Variants in MPPED2 observed in about 807,000 individuals in gnomAD.
MPPED2 encodes metallophosphoesterase MPPED2.
Under a neutral mutation model 33.0 loss-of-function variants are expected in MPPED2, and 5 were observed. The observed-to-expected ratio is 0.15, with a 90% CI of 0.08 to 0.32. The LOEUF is 0.32. Among genes scored for constraint, MPPED2 ranks in the 10% least tolerant of loss-of-function variants. The pLI is 1.00. For missense variants in MPPED2, 275 were observed against 372.1 expected (o/e 0.74, Z 2.15); for synonymous variants, 136 against 141.9 (o/e 0.96, Z 0.29).
At chr11:30,495,643 T>G in intron 3 of MPPED2, 122 bp from the exon 4 acceptor site, 1 of 676,304 alleles carries the variant, frequency 1.5e-6, no homozygotes, top group Non-Finnish European at 2.5e-6. Flanking sequence ...TTCCTTTACA[T>G]TTCCATGTGA....
chr11:30,539,193 A>G (rs1398175422), intron 2 of MPPED2, among the ~76,000 whole-genome samples: 1 of 151,968 alleles, frequency 6.6e-6, no homozygotes, highest in Non-Finnish European at 1.5e-5. Context: ...TCTAAGGGAG[A>G]CTCCAACTGC....
chr11:30,401,096 C>A (rs947417992), intron 6 of MPPED2, among the ~76,000 whole-genome samples: 3 of 152,152 alleles, frequency 2.0e-5, no homozygotes, highest in Non-Finnish European at 4.4e-5. Flanking sequence ...TTTACTGATA[C>A]CTTTTTCCTG....
intron 4 of MPPED2, among the ~76,000 whole-genome samples, chr11:30,477,755 T>G (rs1365890021): frequency 1.3e-5 from 2 of 152,118 alleles, no homozygotes; most frequent in East Asian, 3.8e-4. Flanking sequence ...TCTTCAAATT[T>G]CGGAAAGATT....
At chr11:30,556,317 T>G (rs1955960251) in intron 2 of MPPED2, among the ~76,000 whole-genome samples, 5 of 152,150 alleles carry the variant, frequency 3.3e-5, no homozygotes, top group Admixed American at 3.3e-4. Context: ...TCCATGCCAT[T>G]CCCCAACCTC....
At chr11:30,404,586 C>G (rs1342447827) in intron 6 of MPPED2, among the ~76,000 whole-genome samples, 1 of 152,180 alleles carries the variant, frequency 6.6e-6, no homozygotes, top group Non-Finnish European at 1.5e-5. Flanking sequence ...TATGCCACAC[C>G]TCGCACGTCC....
chr11:30,522,866 C>T (rs946470247), intron 3 of MPPED2, among the ~76,000 whole-genome samples: 20 of 152,192 alleles, frequency 1.3e-4, no homozygotes, highest in African/African-American at 4.8e-4. Context: ...CCTCCCCCTG[C>T]ACATAACGCC....
At chr11:30,526,889 A>AT (rs887352857) in intron 3 of MPPED2, among the ~76,000 whole-genome samples, 24 of 150,388 alleles carry the variant, frequency 1.6e-4, no homozygotes, top group Non-Finnish European at 2.8e-4. Flanking sequence ...TCTATTTTCT[A>AT]TTTTTTTTTA....
chr11:30,510,783 A>G (rs1953128535), intron 3 of MPPED2, among the ~76,000 whole-genome samples: 1 of 152,164 alleles, frequency 6.6e-6, no homozygotes, highest in Non-Finnish European at 1.5e-5. Flanking sequence ...CACTGGTTTA[A>G]AAAGAAGGTA....
intron 3 of MPPED2, among the ~76,000 whole-genome samples, chr11:30,497,919 C>G (rs1239192594): frequency 6.6e-6 from 1 of 152,128 alleles, no homozygotes; most frequent in African/African-American, 2.4e-5. Flanking sequence ...AACTTCTATC[C>G]TCTGTTACCG....
intron 2 of MPPED2, among the ~76,000 whole-genome samples, chr11:30,539,920 C>T (rs538498863): frequency 5.3e-5 from 8 of 152,292 alleles, no homozygotes; most frequent in East Asian, 1.9e-4. Context: ...GAGCCACCCC[C>T]ACCTGGCTTC....
chr11:30,565,585 A>T (rs184365501), intron 2 of MPPED2, among the ~76,000 whole-genome samples: 1 of 152,266 alleles, frequency 6.6e-6, no homozygotes, highest in Non-Finnish European at 1.5e-5. Context: ...TCATCTCCAG[A>T]AAGTCTAATT....
At chr11:30,432,163 T>C (rs1165147526) in intron 4 of MPPED2, among the ~76,000 whole-genome samples, 2 of 113,138 alleles carry the variant, frequency 1.8e-5, no homozygotes, top group African/African-American at 4.1e-5. Context: ...AGCAGGATTC[T>C]GTCTCAAAAA....
chr11:30,530,084 G>T (rs1361714997), intron 3 of MPPED2, among the ~76,000 whole-genome samples: 1 of 152,118 alleles, frequency 6.6e-6, no homozygotes, highest in Non-Finnish European at 1.5e-5. Flanking sequence ...TTGACTGAAA[G>T]AATAGACCAC....
intron 6 of MPPED2, among the ~76,000 whole-genome samples, chr11:30,404,937 A>G (rs1316124832): frequency 1.3e-5 from 2 of 152,182 alleles, no homozygotes; most frequent in Non-Finnish European, 2.9e-5. Flanking sequence ...GATGCTGGGA[A>G]TGCAGATAGA....
chr11:30,541,275 C>CA (rs1955095331), intron 2 of MPPED2, among the ~76,000 whole-genome samples: 1 of 152,048 alleles, frequency 6.6e-6, no homozygotes, highest in African/African-American at 2.4e-5. Flanking sequence ...TTTTTTTACT[C>CA]ACAAAAAATA....
chr11:30,528,004 A>G (rs1046656002), intron 3 of MPPED2, among the ~76,000 whole-genome samples: 1 of 152,250 alleles, frequency 6.6e-6, no homozygotes, highest in Non-Finnish European at 1.5e-5. Flanking sequence ...CTAAGCATTA[A>G]TAAGTCTCCT....
At chr11:30,578,295 GT>G (rs1957017625) in intron 2 of MPPED2, among the ~76,000 whole-genome samples, 1 of 152,148 alleles carries the variant, frequency 6.6e-6, no homozygotes, top group African/African-American at 2.4e-5. Context: ...GAAGCAGAGG[GT>G]TCAGATGGGA....
chr11:30,398,146 T>C (rs958166840), intron 6 of MPPED2, among the ~76,000 whole-genome samples: 2 of 152,164 alleles, frequency 1.3e-5, no homozygotes, highest in Non-Finnish European at 2.9e-5. Context: ...TTTTTCTTCT[T>C]CCATAGCAGA....
chr11:30,549,398 C>T (rs945040982), intron 2 of MPPED2, among the ~76,000 whole-genome samples: 1 of 152,190 alleles, frequency 6.6e-6, no homozygotes, highest in Non-Finnish European at 1.5e-5. Context: ...TAAAAGTTTA[C>T]TAGAAACTCT....
Sources: gnomAD v4.1 joint callset for allele counts (sites outside exome capture counted in the v4.1 genomes callset) on GRCh38, gnomAD v4.1.1 for gene constraint, MANE v1.5 for transcripts, NCBI Gene and HGNC (gene_info 2026-07-23, HGNC 2026-07-21) for gene names.